L3MBTL4: variants seen among roughly 807,000 people sequenced by gnomAD.
L3MBTL4 encodes the protein L3MBTL histone methyl-lysine binding protein 4.
In L3MBTL4, 70 loss-of-function variants were observed where a neutral mutation model predicts 84.5. The observed-to-expected ratio is 0.83, with a 90% CI of 0.68 to 1.01. L3MBTL4 has a LOEUF of 1.01. Among genes scored for constraint, L3MBTL4 ranks in the 50% least tolerant of loss-of-function variants. L3MBTL4 has a pLI of 0.00. For synonymous variants in L3MBTL4, 274 were observed against 259.8 expected (o/e 1.05, Z -0.52); for missense variants, 715 against 754.8 (o/e 0.95, Z 0.62).
chr18:5,975,573 C>T (rs894547862), intron 16 of L3MBTL4, among the ~76,000 whole-genome samples: 5 of 152,242 alleles, frequency 3.3e-5, no homozygotes, highest in African/African-American at 9.6e-5. Context: ...ATCACCTGTT[C>T]TCATGCCCTG....
chr18:6,071,686 AAAG>A (rs2057613496), intron 16 of L3MBTL4, among the ~76,000 whole-genome samples: 1 of 21,664 alleles, frequency 4.6e-5, no homozygotes, highest in South Asian at 1.9e-3. Flanking sequence ...AGAAAGAGAG[AAAG>A]AAAGAAAGAA....
rs369627440 is a variant in L3MBTL4, at chr18:6,336,141, C to T, written c.-90-24085G>A. Among the ~76,000 whole-genome samples, 53 of 152,016 alleles carry T rather than the reference C, an allele frequency of 3.5e-4. 1 individual carries two copies. The South Asian group carries it at 0.011, about 31-fold the overall frequency. ...GATGTAATACTTTAAGGCAGACTAA[C>T]CAATACTTTCTTGAATGACAAAAGA... On this transcript the variant is annotated intron_variant, in intron 1 of 18. Transcript: ENST00000317931.
rs150858021 is a variant in L3MBTL4, at chr18:6,393,499, T to C, written c.-91+21302A>G. On this transcript the variant is annotated intron_variant, in intron 1 of 18. Coordinates refer to ENST00000317931, the MANE Select transcript of L3MBTL4 (RefSeq NM_001330559.2). ...TAACATTTATTGAGTACCAACCGCA[T>C]GCAGACCTGTTCTAAGCACTTTCCA... Among the ~76,000 whole-genome samples the C allele has an allele frequency of 2.7e-3, 408 of 152,324 alleles. 3 individuals are homozygous for C. The highest frequency in any genetic ancestry group is 9.3e-3 in the African/African-American group (388 of 41,568).
chr18:6,053,917 T>G (rs1199844890), intron 16 of L3MBTL4, among the ~76,000 whole-genome samples: 2 of 152,218 alleles, frequency 1.3e-5, no homozygotes, highest in African/African-American at 4.8e-5. Flanking sequence ...TTTTGCAAAG[T>G]CTAATTGACA....
chr18:5,981,174 G>A (rs1280807850), intron 16 of L3MBTL4, among the ~76,000 whole-genome samples: 1 of 152,168 alleles, frequency 6.6e-6, no homozygotes, highest in East Asian at 1.9e-4. Flanking sequence ...GCTAATTACA[G>A]GCAGCAAGCA....
chr18:5,969,730 C>G (rs1363485912), intron 16 of L3MBTL4, among the ~76,000 whole-genome samples, 168 bp from the exon 17 acceptor site: 1 of 152,180 alleles, frequency 6.6e-6, no homozygotes, highest in African/African-American at 2.4e-5. Flanking sequence ...CCTATGCCAC[C>G]AGTCTGTTTT....
chr18:6,024,689 T>A (rs1022667419), intron 16 of L3MBTL4, among the ~76,000 whole-genome samples: 1 of 152,178 alleles, frequency 6.6e-6, no homozygotes, highest in African/African-American at 2.4e-5. Flanking sequence ...ATAATTTACA[T>A]TTTTTTCTCC....
chr18:6,036,204 T>C (rs2056131882), intron 16 of L3MBTL4, among the ~76,000 whole-genome samples: 1 of 152,240 alleles, frequency 6.6e-6, no homozygotes, highest in African/African-American at 2.4e-5. Flanking sequence ...TCTTGGATGT[T>C]TATATTCATG....
chr18:6,280,050 C>A (rs1421031740), intron 4 of L3MBTL4, among the ~76,000 whole-genome samples: 1 of 152,040 alleles, frequency 6.6e-6, no homozygotes, highest in East Asian at 1.9e-4. Context: ...CAAATAAATT[C>A]TTTTCAAAAT....
chr18:6,174,864 C>CAAA (rs34787848), intron 12 of L3MBTL4, among the ~76,000 whole-genome samples: 3 of 58,330 alleles, frequency 5.1e-5, no homozygotes, highest in African/African-American at 1.5e-4. Context: ...GAAACTCTGT[C>CAAA]AAAAAAAAAA....
chr18:6,274,559 G>C (rs1284276826), intron 4 of L3MBTL4, among the ~76,000 whole-genome samples: 2 of 152,184 alleles, frequency 1.3e-5, no homozygotes, highest in African/African-American at 2.4e-5. Context: ...TAGAATTTCA[G>C]TCTTCAGTCT....
At chr18:6,285,824 T>C (rs2049550026) in intron 4 of L3MBTL4, among the ~76,000 whole-genome samples, 2 of 144,672 alleles carry the variant, frequency 1.4e-5, no homozygotes, top group South Asian at 4.4e-4. Context: ...ATTATTATTA[T>C]TATTATTATT....
chr18:5,986,081 T>G (rs2053451394), intron 16 of L3MBTL4, among the ~76,000 whole-genome samples: 2 of 152,116 alleles, frequency 1.3e-5, no homozygotes, highest in Admixed American at 6.5e-5. Flanking sequence ...AAAATTGTAT[T>G]GGTGGAGCAG....
intron 12 of L3MBTL4, among the ~76,000 whole-genome samples, chr18:6,181,472 C>T (rs575013720): frequency 3.3e-5 from 5 of 151,854 alleles, no homozygotes; most frequent in African/African-American, 4.8e-5. Flanking sequence ...ATTACAGGTG[C>T]GTGCCACCAT....
chr18:6,054,201 T>G (rs1025027459), intron 16 of L3MBTL4, among the ~76,000 whole-genome samples: 12 of 152,182 alleles, frequency 7.9e-5, no homozygotes, highest in African/African-American at 2.9e-4. Context: ...TGACTCAGCC[T>G]GCATCGTCAC....
At chr18:6,059,243 C>T (rs1208495054) in intron 16 of L3MBTL4, among the ~76,000 whole-genome samples, 1 of 152,196 alleles carries the variant, frequency 6.6e-6, no homozygotes. Flanking sequence ...AAGCCTCTGG[C>T]GTGGCTGCCC....
intron 12 of L3MBTL4, among the ~76,000 whole-genome samples, chr18:6,205,834 A>C (rs2045852919): frequency 6.6e-6 from 1 of 152,252 alleles, no homozygotes; most frequent in African/African-American, 2.4e-5. Context: ...GATGTTTGGC[A>C]TAATTAGCTA....
intron 13 of L3MBTL4, among the ~76,000 whole-genome samples, chr18:6,151,455 C>T (rs993207230): frequency 6.6e-5 from 10 of 152,124 alleles, no homozygotes; most frequent in South Asian, 6.2e-4. Flanking sequence ...TGCAGTGGCA[C>T]GATCTCGACT....
At chr18:6,032,067 T>C in intron 16 of L3MBTL4, 1 of 206,636 alleles carries the variant, frequency 4.8e-6, no homozygotes, top group Non-Finnish European at 9.1e-6. Flanking sequence ...AATCTCTGCC[T>C]CCCAGGTTCA....
Sources: gnomAD v4.1 joint callset for allele counts (sites outside exome capture counted in the v4.1 genomes callset) on GRCh38, gnomAD v4.1.1 for gene constraint, MANE v1.5 for transcripts, NCBI Gene and HGNC (gene_info 2026-07-23, HGNC 2026-07-21) for gene names.